The following SLITRK4 variants were observed in gnomAD, a reference collection of about 807,000 sequenced individuals.
The protein encoded by SLITRK4 is SLIT and NTRK like family member 4.
A neutral mutation model predicts 34.7 loss-of-function variants in SLITRK4; 7 were observed. The observed-to-expected ratio is 0.20, with a 90% confidence interval of 0.11 to 0.38. The LOEUF is 0.38. SLITRK4 is among the 10% of genes least tolerant of loss of function. The probability of loss-of-function intolerance (pLI) is 1.00; values close to 1 mark genes in which losing one functional copy is unlikely to be tolerated. For missense variants in SLITRK4, 474 were observed against 607.0 expected (o/e 0.78, Z 2.30); for synonymous variants, 237 against 246.2 (o/e 0.96, Z 0.35).
chrX:143,635,377 G>A (rs1409419033), intron 1 of SLITRK4, among the ~76,000 whole-genome samples: 1 of 103,116 alleles, frequency 9.7e-6, no homozygotes, highest in African/African-American at 3.6e-5. Context: ...CTCAGGCGTG[G>A]AGACCCCAGT....
chrX:143,625,298 T>C lies in SLITRK4; in HGVS notation c.*3297A>G, dbSNP rs1556425273. ...TAAATATAGAATATAAATTGCCTTA[T>C]AGACTTGAATCACTCTACTTTAATA... On this transcript the variant is annotated 3_prime_UTR_variant, in exon 2 of 2. Transcript: ENST00000356928. The C allele has an allele frequency of 8.9e-6, 1 of 111,801 alleles. No individual in the cohort carries two copies. The highest frequency in any genetic ancestry group is 3.2e-5 in the African/African-American group (1 of 30,914). 9.2% of individuals were successfully genotyped at this position (111,801 alleles called of 1,213,427 possible). A position where few individuals can be genotyped will look rare whatever the true frequency, so the allele number is the denominator to read the frequency against.
intron 1 of SLITRK4, chrX:143,634,635 A>T (rs1417919717): frequency 1.8e-5 from 2 of 109,857 alleles, no homozygotes; most frequent in Non-Finnish European, 3.8e-5. Flanking sequence ...TGGGAGGTGG[A>T]GGGCAGGATT....
chrX:143,628,997 CTCTT>C lies in SLITRK4; in HGVS notation c.2108_2111del (p.Lys703SerfsTer18). The C allele has an allele frequency of 8.3e-7, 1 of 1,211,392 alleles. No homozygotes were observed. The highest frequency in any genetic ancestry group is 1.1e-6 in the Non-Finnish European group (1 of 895,448). ...CTGAAAACATGAACCCAGTTTCTGA[CTCTT>C]TCAAGCCACAAGTGTGGCTCTTGCT... On this transcript the variant is annotated frameshift_variant, in exon 2 of 2. Transcript: ENST00000356928. LOFTEE classifies it high-confidence loss of function.
chrX:143,634,353 C>T (rs1931153877), intron 1 of SLITRK4: 1 of 112,290 alleles, frequency 8.9e-6, no homozygotes, highest in Non-Finnish European at 1.9e-5. Context: ...TATTCCTAGT[C>T]TTGCCGAGCG....
At chrX:143,634,476 G>T (rs1034010181) in intron 1 of SLITRK4, 1 of 109,399 alleles carries the variant, frequency 9.1e-6, no homozygotes, top group East Asian at 3.0e-4. Flanking sequence ...CCAGCGGCCC[G>T]ACAGCCGGAG....
At chrX:143,633,381 G>A (rs1931112211) in intron 1 of SLITRK4, among the ~76,000 whole-genome samples, 1 of 111,077 alleles carries the variant, frequency 9.0e-6, no homozygotes. Flanking sequence ...TCACACTCCG[G>A]TGGTACCACT....
At position 143,630,394 on chromosome X, in the gene SLITRK4, C is replaced by T; in HGVS notation, c.715G>A (p.Glu239Lys). The T allele has an allele frequency of 8.3e-7, 1 of 1,211,403 alleles. No homozygotes were observed. Among genetic ancestry groups the T allele is most frequent in the Non-Finnish European group, 1.1e-6 (1 of 895,454 alleles). The change falls in exon 2 of 2, where the codon GAA becomes AAA. Residue 239 changes from glutamate (E) to lysine (K), a missense_variant. Coordinates refer to ENST00000356928, the MANE Select transcript of SLITRK4 (RefSeq NM_001184749.3). The stretch of plus-strand genomic sequence containing the variant: ...TCACTGGGAGTTTCACAGATAGCTT[C>T]TCCTATGTAAATGTTATATGGCATG... Reference protein sequence around the residue: ...ENMPYNIYIGEAICETPSDLY... With the variant: ...ENMPYNIYIGKAICETPSDLY...
chrX:143,628,590 A>G lies in SLITRK4; in HGVS notation c.*5T>C. 8.6e-7 allele frequency: 1 copy of G among 1,158,870 alleles called. No individual in the cohort carries two copies. The highest frequency in any genetic ancestry group is 1.2e-6 in the Non-Finnish European group (1 of 869,528). ...TGTCCTCTGTATGAAGTAAGATTAC[A>G]TGACCTAGATCTTGTTCAAAGCTGT... On this transcript the variant is annotated 3_prime_UTR_variant, in exon 2 of 2. Transcript: ENST00000356928.
Position 143,626,497 on chromosome X carries a change from T to C in SLITRK4, c.*2098A>G, listed in dbSNP as rs950042184. On this transcript the variant is annotated 3_prime_UTR_variant, in exon 2 of 2. Coordinates refer to ENST00000356928, the MANE Select transcript of SLITRK4 (RefSeq NM_001184749.3). ...TTTCCAAATTATCTATATGTATGAATATATACCCACATATATATATATACA... is the reference window on the plus strand; with the variant it reads ...TTTCCAAATTATCTATATGTATGAACATATACCCACATATATATATATACA... 16 of 105,746 alleles carry C rather than the reference T, an allele frequency of 1.5e-4. No homozygotes were observed. Among genetic ancestry groups the C allele is most frequent in the African/African-American group, 5.5e-4 (16 of 28,886 alleles). The allele number at this position is 105,746 out of a possible 1,213,427, so 8.7% of individuals were successfully genotyped here. A position where few individuals can be genotyped will look rare whatever the true frequency, so the allele number is the denominator to read the frequency against.
In SLITRK4 at chrX:143,630,119, C is replaced by T. The variant is rs1176606723; in HGVS notation, c.990G>A (p.Val330=). ...GAGGAGGCACCCTTGTTTGGTAAGA[C>T]ACAATCTGACTGAGATTGCGGTTGG... ...ALSNRNLSQI[V]SYQTRVPPLT... The change falls in exon 2 of 2, where the codon GTG becomes GTA. Residue 330 remains valine (V), a synonymous_variant. Coordinates refer to ENST00000356928, the MANE Select transcript of SLITRK4 (RefSeq NM_001184749.3). 4.1e-6 allele frequency: 5 copies of T among 1,210,263 alleles called. No homozygotes were observed. Among genetic ancestry groups the T allele is most frequent in the Non-Finnish European group, 5.6e-6 (5 of 895,387 alleles).
intron 1 of SLITRK4, among the ~76,000 whole-genome samples, chrX:143,634,674 C>T (rs1931172157): frequency 9.0e-6 from 1 of 110,713 alleles, no homozygotes; most frequent in Non-Finnish European, 1.9e-5. Flanking sequence ...GGCCACTCAA[C>T]CGGCCCCAAA....
At position 143,623,316 on chromosome X, in the gene SLITRK4, T is replaced by A. The variant is rs1930687956; in HGVS notation, c.*5279A>T. On this transcript the variant is annotated 3_prime_UTR_variant, in exon 2 of 2. Transcript: ENST00000356928. ...TTCTGGGTCCTACAGTCAGTGGAAATGTCAATTATGGATTAATGAGAAGCT... is the reference window on the plus strand; with the variant it reads ...TTCTGGGTCCTACAGTCAGTGGAAAAGTCAATTATGGATTAATGAGAAGCT... The A allele has an allele frequency of 9.0e-6, 1 of 110,691 alleles. No individual in the cohort carries two copies. Among genetic ancestry groups the A allele is most frequent in the African/African-American group, 3.3e-5 (1 of 30,544 alleles). 9.1% of individuals were successfully genotyped at this position (110,691 alleles called of 1,213,427 possible). A position where few individuals can be genotyped will look rare whatever the true frequency, so the allele number is the denominator to read the frequency against.
chrX:143,632,382 A>T (rs1255334130), intron 1 of SLITRK4, among the ~76,000 whole-genome samples: 2 of 111,572 alleles, frequency 1.8e-5, no homozygotes, highest in South Asian at 7.5e-4. Flanking sequence ...ATATACACAA[A>T]CATACACGAT....
In SLITRK4 at chrX:143,624,750, A is replaced by T. The variant is rs985858500; in HGVS notation, c.*3845T>A. On this transcript the variant is annotated 3_prime_UTR_variant, in exon 2 of 2. Coordinates refer to ENST00000356928, the MANE Select transcript of SLITRK4 (RefSeq NM_001184749.3). Reference sequence around the variant, plus strand: ...CAATTTTATTAATACTTTCATAAAAATGGCAATTAATAAATTCTAATACCT... The same window carrying T: ...CAATTTTATTAATACTTTCATAAAATTGGCAATTAATAAATTCTAATACCT... 4.5e-5 allele frequency: 5 copies of T among 111,530 alleles called. No homozygotes were observed. The highest frequency in any genetic ancestry group is 9.6e-5 in the Admixed American group (1 of 10,465). The allele number at this position is 111,530 out of a possible 1,213,427, so 9.2% of individuals were successfully genotyped here.
chrX:143,627,077 CA>C lies in SLITRK4; in HGVS notation c.*1517del. The C allele has an allele frequency of 9.2e-6, 1 of 108,746 alleles. No homozygotes were observed. 9.0% of individuals were successfully genotyped at this position (108,746 alleles called of 1,213,427 possible). A position where few individuals can be genotyped will look rare whatever the true frequency, so the allele number is the denominator to read the frequency against. On this transcript the variant is annotated 3_prime_UTR_variant, in exon 2 of 2. Transcript: ENST00000356928. ...ACTTAGATCTTAGCAAAAGCAAACA[CA>C]GGGGCATATCATTTGTAGTTGCAGA...
At position 143,630,933 on chromosome X, in the gene SLITRK4, G is replaced by T; in HGVS notation, c.176C>A (p.Ser59Tyr). 8.3e-7 allele frequency: 1 copy of T among 1,207,865 alleles called. No homozygotes were observed. Among genetic ancestry groups the T allele is most frequent in the Non-Finnish European group, 1.1e-6 (1 of 894,356 alleles). Residue 59 changes from serine (S) to tyrosine (Y), a missense_variant, in exon 2 of 2, where the codon TCT becomes TAT. Physicochemically the swap from Ser to Tyr is moderately radical, Grantham distance 144. Coordinates refer to ENST00000356928, the MANE Select transcript of SLITRK4 (RefSeq NM_001184749.3). The part of the protein sequence containing the change: ...YRPNQLKPPW[S>Y]NFYHLNFQNN... The stretch of plus-strand genomic sequence containing the variant: ...TTGGAAATTGAGGTGATAAAAATTA[G>T]ACCAAGGTGGTTTCAGCTGATTTGG...
rs1486714993 is a variant in SLITRK4, at chrX:143,627,238, A to C, written c.*1357T>G. On this transcript the variant is annotated 3_prime_UTR_variant, in exon 2 of 2. Transcript: ENST00000356928. ...ATGAAAGAACAGGATACTGATGCAT[A>C]CAAGATATAACTATTAACCTTATTC... 1.8e-5 allele frequency: 2 copies of C among 109,367 alleles called. No individual in the cohort carries two copies. The highest frequency in any genetic ancestry group is 3.8e-5 in the Non-Finnish European group (2 of 52,553). The allele number at this position is 109,367 out of a possible 1,213,427, so 9.0% of individuals were successfully genotyped here.
chrX:143,633,918 C>A (rs1008312457), intron 1 of SLITRK4, among the ~76,000 whole-genome samples: 12 of 112,971 alleles, frequency 1.1e-4, no homozygotes, highest in Non-Finnish European at 1.9e-4. Flanking sequence ...AGCAGCCTGG[C>A]GGTCCGTGTA....
At position 143,624,719 on chromosome X, in the gene SLITRK4, A is replaced by C. The variant is rs1173287931; in HGVS notation, c.*3876T>G. 6 of 110,190 alleles carry C rather than the reference A, an allele frequency of 5.4e-5. No homozygotes were observed. The highest frequency in any genetic ancestry group is 1.2e-4 in the Non-Finnish European group (6 of 51,918). The allele number at this position is 110,190 out of a possible 1,213,427, so 9.1% of individuals were successfully genotyped here. ...ACTGTGGCTTCAGAAATATCATTGT[A>C]GCAAACAATTTTATTAATACTTTCA... is the stretch of plus-strand genomic sequence containing the variant. On this transcript the variant is annotated 3_prime_UTR_variant, in exon 2 of 2. Coordinates refer to ENST00000356928, the MANE Select transcript of SLITRK4 (RefSeq NM_001184749.3).
Sources: gnomAD v4.1 joint callset for allele counts (sites outside exome capture counted in the v4.1 genomes callset) on GRCh38, gnomAD v4.1.1 for gene constraint, MANE v1.5 for transcripts, NCBI Gene and HGNC (gene_info 2026-07-23, HGNC 2026-07-21) for gene names.